Variants in GCM1 observed in about 807,000 individuals in gnomAD.
The protein encoded by GCM1 is chorion-specific transcription factor GCMa.
GCM1 carries 2 observed loss-of-function variants against 25.7 expected under a neutral mutation model. That is an observed-to-expected ratio of 0.08 (90% confidence interval 0.03 to 0.24). The LOEUF is 0.24. Ranked by LOEUF, GCM1 falls within the 10% of genes least tolerant of loss-of-function variation. The pLI, the probability that GCM1 is intolerant of heterozygous loss-of-function variation, is 1.00. For synonymous variants in GCM1, 183 were observed against 195.7 expected, an observed-to-expected ratio of 0.94 and a Z score of 0.54; for missense variants, 395 against 538.7, an observed-to-expected ratio of 0.73 and a Z score of 2.64.
intron 5 of GCM1, among the ~76,000 whole-genome samples, chr6:53,129,488 G>A (rs1183026898): frequency 1.3e-5 from 2 of 152,104 alleles, no homozygotes; most frequent in Admixed American, 6.5e-5. Flanking sequence ...TGGCCAGGCT[G>A]GTCTCGAACT....
In GCM1 at chr6:53,128,615, G is replaced by A; in HGVS notation, c.902C>T (p.Ala301Val). Residue 301 changes from alanine to valine, a missense_variant, in exon 6 of 6, where the codon GCT (alanine) becomes GTT (valine). By Grantham distance (64) the Ala-to-Val change is moderately conservative. Coordinates refer to ENST00000259803, the MANE Select transcript of GCM1 (RefSeq NM_003643.4). ...AGCAAGATGATTTCTCCCCAAAGCA[G>A]CATTTTTACTCCACGCTTGTAGATC... ...HGDLQAWSKNAALGRNHLADN... is the reference protein window; with the variant it reads ...HGDLQAWSKNVALGRNHLADN... 1 of 1,614,036 alleles carries A rather than the reference G, an allele frequency of 6.2e-7. No individual in the cohort carries two copies. Among genetic ancestry groups the A allele is most frequent in the Non-Finnish European group, 8.5e-7 (1 of 1,179,910 alleles).
intron 3 of GCM1, among the ~76,000 whole-genome samples, chr6:53,133,285 C>T (rs549850427): frequency 4.5e-4 from 69 of 152,258 alleles, no homozygotes; most frequent in African/African-American, 1.6e-3. Flanking sequence ...CTGCCTCAGC[C>T]TCCCGAGTAG....
intron 2 of GCM1, among the ~76,000 whole-genome samples, chr6:53,139,839 C>T (rs1359885251): frequency 6.6e-6 from 1 of 151,886 alleles, no homozygotes; most frequent in Non-Finnish European, 1.5e-5. Context: ...CCAGCCTGGG[C>T]GACAGAGTGA....
At chr6:53,141,043 T>C (rs1028727570) in intron 2 of GCM1, among the ~76,000 whole-genome samples, 15 of 152,194 alleles carry the variant, frequency 9.9e-5, no homozygotes, top group African/African-American at 3.6e-4. Flanking sequence ...CAAACTCTTC[T>C]GGCCTTGCTC....
In GCM1 at chr6:53,134,437, G is replaced by T; in HGVS notation, c.76-113C>A. On this transcript the variant is annotated intron_variant, in intron 2 of 5. Coordinates refer to ENST00000259803, the MANE Select transcript of GCM1 (RefSeq NM_003643.4). ...TTTGGCATTCAGGAGCTGGGCAAGA[G>T]ACCTTTGGCAAAAGCCTCCCTACAT... 3 of 1,000,236 alleles carry T rather than the reference G, an allele frequency of 3.0e-6. No individual in the cohort carries two copies. The South Asian group carries it at 4.6e-5, about 15-fold the overall frequency. The allele number at this position is 1,000,236 out of a possible 1,614,324, so 62.0% of individuals were successfully genotyped here. A position where few individuals can be genotyped will look rare whatever the true frequency, so the allele number is the denominator to read the frequency against.
chr6:53,131,876 G>T (rs1763731423), intron 4 of GCM1, 131 bp downstream of exon 4: 2 of 679,566 alleles, frequency 2.9e-6, no homozygotes, highest in South Asian at 3.3e-5. Context: ...GAAGTGCAGG[G>T]GACAGATACT....
At chr6:53,145,104 T>G (rs891029419) in intron 2 of GCM1, among the ~76,000 whole-genome samples, 1 of 152,110 alleles carries the variant, frequency 6.6e-6, no homozygotes. Flanking sequence ...AAGAGCATGC[T>G]GTATTCCACA....
At position 53,128,120 on chromosome 6, in the gene GCM1, A is replaced by G. The variant is rs1243803719; in HGVS notation, c.*86T>C. On this transcript the variant is annotated 3_prime_UTR_variant, in exon 6 of 6. Transcript: ENST00000259803. ...TCATGATTCTCATTTATCTGTGGTT[A>G]TGTTTTAAAAATTATTTCCTAAGGA... The G allele has an allele frequency of 2.4e-6, 2 of 848,330 alleles. No homozygotes were observed. The highest frequency in any genetic ancestry group is 2.4e-5 in the Admixed American group (1 of 41,170). 52.6% of individuals were successfully genotyped at this position (848,330 alleles called of 1,614,324 possible).
chr6:53,132,337 G>A (rs549105907), intron 3 of GCM1, among the ~76,000 whole-genome samples: 121 of 152,332 alleles, frequency 7.9e-4, no homozygotes, highest in African/African-American at 2.7e-3. Context: ...AGGGGAAGTG[G>A]TTGCCTACCA....
At chr6:53,140,155 A>T (rs968810237) in intron 2 of GCM1, among the ~76,000 whole-genome samples, 24 of 152,166 alleles carry the variant, frequency 1.6e-4, no homozygotes, top group African/African-American at 5.8e-4. Context: ...GGGAAGTTCA[A>T]ATGACCCTTG....
intron 1 of GCM1, among the ~76,000 whole-genome samples, chr6:53,146,194 TTATA>T (rs201484737): frequency 5.0e-4 from 50 of 100,950 alleles, no homozygotes; most frequent in African/African-American, 1.4e-3. Flanking sequence ...CATATATGTT[TTATA>T]TATATATATA....
Position 53,130,815 on chromosome 6 carries a change from G to A in GCM1, c.558C>T (p.Ser186=), listed in dbSNP as rs1339365578. Residue 186 remains serine, a synonymous_variant, in exon 5 of 6, where the codon AGC becomes AGT. Coordinates refer to ENST00000259803, the MANE Select transcript of GCM1 (RefSeq NM_003643.4). ...PSSVSLSLKG[S]TETRSLPGET... The stretch of plus-strand genomic sequence containing the variant: ...AATGAAGGATTACCCTGGTCTCTGT[G>A]CTCCCCTTCAGGCTCAATGAGACGG... 6.2e-7 allele frequency: 1 copy of A among 1,613,766 alleles called. No individual in the cohort carries two copies. The highest frequency in any genetic ancestry group is 8.5e-7 in the Non-Finnish European group (1 of 1,179,710).
chr6:53,148,406 A>C (rs1404779932), intron 1 of GCM1, among the ~76,000 whole-genome samples: 1 of 152,256 alleles, frequency 6.6e-6, no homozygotes, highest in Non-Finnish European at 1.5e-5. Flanking sequence ...ATAATAAAGA[A>C]AATTTTATTA....
At chr6:53,140,395 CA>C (rs1379878606) in intron 2 of GCM1, among the ~76,000 whole-genome samples, 1 of 151,972 alleles carries the variant, frequency 6.6e-6, no homozygotes, top group Non-Finnish European at 1.5e-5. Context: ...TGTTTGATCA[CA>C]ATTTGGGGCT....
At position 53,128,463 on chromosome 6, in the gene GCM1, A is replaced by G. The variant is rs768694108; in HGVS notation, c.1054T>C (p.Cys352Arg). Residue 352 changes from cysteine (C) to arginine (R), a missense_variant, in exon 6 of 6, where the codon TGT becomes CGT. This residue lies in a region of GCM1 where 291 missense variants were observed against 314.6 expected (regional missense o/e 0.92). Transcript: ENST00000259803. ...PLEPPAAKTGCPPLWPNPAGN... is the reference protein window; with the variant it reads ...PLEPPAAKTGRPPLWPNPAGN... ...GCTGGATTTGGCCATAATGGGGGAC[A>G]GCCAGTTTTGGCTGCAGGTGGCTCC... The G allele has an allele frequency of 6.2e-7, 1 of 1,614,206 alleles. No homozygotes were observed. Among genetic ancestry groups the G allele is most frequent in the Admixed American group, 1.7e-5 (1 of 60,022 alleles).
chr6:53,130,119 A>AT (rs932340277), intron 5 of GCM1, among the ~76,000 whole-genome samples: 5 of 152,134 alleles, frequency 3.3e-5, no homozygotes, highest in African/African-American at 7.2e-5. Context: ...CCACATTACA[A>AT]TTTTTTTAAA....
intron 2 of GCM1, 94 bp from the exon 3 acceptor site, chr6:53,134,418 A>C: frequency 8.1e-7 from 1 of 1,237,250 alleles, no homozygotes. Context: ...ATGTTTTGGC[A>C]TTCAGGAGCT....
At chr6:53,134,878 T>G (rs544762095) in intron 2 of GCM1, among the ~76,000 whole-genome samples, 1 of 152,322 alleles carries the variant, frequency 6.6e-6, no homozygotes, top group East Asian at 1.9e-4. Flanking sequence ...TGTGGTTATC[T>G]TACTGGGAGT....
At position 53,128,316 on chromosome 6, in the gene GCM1, A is replaced by G. The variant is rs962286314; in HGVS notation, c.1201T>C (p.Tyr401His). The G allele has an allele frequency of 6.2e-7, 1 of 1,614,004 alleles. No homozygotes were observed. The highest frequency in any genetic ancestry group is 2.2e-5 in the East Asian group (1 of 44,872). ...FTYASHPHQQ[Y>H]SLPSKSSKWD... is the part of the protein sequence containing the mutation. ...TTGCTGCTCTTGCTTGGCAGTGAATATTGCTGATGAGGATGAGAGGCGTAG... is the reference window on the plus strand; with the variant it reads ...TTGCTGCTCTTGCTTGGCAGTGAATGTTGCTGATGAGGATGAGAGGCGTAG... Residue 401 changes from tyrosine (Y) to histidine (H), a missense_variant, in exon 6 of 6, where the codon TAT becomes CAT. Tyr to His is a moderately conservative substitution (Grantham distance 83, BLOSUM62 2). Transcript: ENST00000259803.
Sources: gnomAD v4.1 joint callset for allele counts (sites outside exome capture counted in the v4.1 genomes callset) on GRCh38, gnomAD v4.1.1 for gene constraint, gnomAD v4.1.1 regional missense constraint, MANE v1.5 for transcripts, NCBI Gene and HGNC (gene_info 2026-07-23, HGNC 2026-07-21) for gene names.